Variants in UBE2V1 observed in about 807,000 individuals in gnomAD.
UBE2V1 encodes ubiquitin conjugating enzyme E2 V1, also known as ubiquitin-conjugating enzyme E2 variant 1.
UBE2V1 carries 15 observed loss-of-function variants against 19.6 expected under a neutral mutation model. The ratio of observed to expected loss-of-function variants is 0.77; its 90% CI spans 0.51 to 1.18. The LOEUF (loss-of-function observed/expected upper bound fraction) is 1.18, where lower values mean the gene tolerates loss of function less well. Among genes scored for constraint, UBE2V1 ranks in the 50% most tolerant of loss-of-function variants. The probability of loss-of-function intolerance (pLI) is 0.00; values close to 1 mark genes in which losing one functional copy is unlikely to be tolerated. For missense variants in UBE2V1, 125 were observed against 184.8 expected, an observed-to-expected ratio of 0.68 and a Z score of 1.88; for synonymous variants, 60 against 60.7, an observed-to-expected ratio of 0.99 and a Z score of 0.05.
chr20:50,094,917 A>G (rs944166662), intron 2 of UBE2V1: 1 of 152,220 alleles, frequency 6.6e-6, no homozygotes, highest in African/African-American at 2.4e-5. Flanking sequence ...GACTCCTGGC[A>G]TACCGTAGCT....
chr20:50,094,034 A>AAAAAT (rs1391834608), intron 2 of UBE2V1, among the ~76,000 whole-genome samples: 2 of 85,024 alleles, frequency 2.4e-5, no homozygotes, highest in African/African-American at 1.1e-4. Flanking sequence ...ATAATAATAA[A>AAAAAT]ATATATATAT....
intron 2 of UBE2V1, among the ~76,000 whole-genome samples, chr20:50,092,807 ACATT>A (rs1169263680): frequency 6.6e-6 from 1 of 152,204 alleles, no homozygotes; most frequent in Non-Finnish European, 1.5e-5. Flanking sequence ...TATGACTAAA[ACATT>A]CAAAGAGTAC....
chr20:50,089,703 G>T (rs1568978164), intron 2 of UBE2V1, among the ~76,000 whole-genome samples: 1 of 152,150 alleles, frequency 6.6e-6, no homozygotes, highest in East Asian at 1.9e-4. Context: ...ACCATTCATG[G>T]TATCTTTCTG....
upstream of UBE2V1, chr20:50,115,554 A>G: frequency 6.3e-7 from 1 of 1,580,500 alleles, no homozygotes; most frequent in Non-Finnish European, 8.6e-7. Context: ...TTCAGGTAAG[A>G]CGCTTGAACC....
chr20:50,106,711 T>TC (rs5841791), intron 1 of UBE2V1, among the ~76,000 whole-genome samples: 137,200 of 151,978 alleles, frequency 0.9, 62,150 homozygotes, highest in East Asian at 0.99. Context: ...ATGCCTGTAA[T>TC]CGAGCTACTC....
chr20:50,114,785 G>T (rs181954428), upstream of UBE2V1, among the ~76,000 whole-genome samples: 6 of 151,852 alleles, frequency 4.0e-5, no homozygotes, highest in Non-Finnish European at 8.8e-5. Flanking sequence ...GCACCCTAGG[G>T]CAGGGCATGG....
intron 1 of UBE2V1, among the ~76,000 whole-genome samples, chr20:50,106,866 AACAACAAC>A (rs1601136303): frequency 5.3e-5 from 5 of 94,910 alleles, no homozygotes; most frequent in South Asian, 6.3e-4. Context: ...CAACAACAAC[AACAACAAC>A]AAAAAAAAAA....
chr20:50,103,415 A>G (rs1208167398), intron 1 of UBE2V1, among the ~76,000 whole-genome samples: 2 of 152,168 alleles, frequency 1.3e-5, no homozygotes, highest in Admixed American at 6.5e-5. Context: ...AAGAACAGTT[A>G]TATATTAAGA....
chr20:50,096,494 G>GT, intron 2 of UBE2V1, 178 bp downstream of exon 2: 2 of 1,507,168 alleles, frequency 1.3e-6, no homozygotes, highest in Non-Finnish European at 1.8e-6. Flanking sequence ...ATTTAGAGGG[G>GT]TTAAACAGCA....
In UBE2V1 at chr20:50,113,117, G is replaced by T; in HGVS notation, c.12C>A (p.Thr4=). The T allele has an allele frequency of 1.5e-6, 2 of 1,363,994 alleles. No homozygotes were observed. The allele number at this position is 1,363,994 out of a possible 1,614,324, so 84.5% of individuals were successfully genotyped here. The change falls in exon 1 of 4, where the codon ACC becomes ACA. Residue 4 remains threonine, a synonymous_variant. Coordinates refer to ENST00000371674, the MANE Select transcript of UBE2V1 (RefSeq NM_001032288.3). ...GGCGCCCCCGCTCACCCGAGCCCGT[G>T]GTGGCTGCCATCTTGCGTCGCTCTT... is the stretch of plus-strand genomic sequence containing the variant. The part of the protein sequence containing the change: MAA[T]TGSGVKVPRN...
chr20:50,090,771 T>C (rs1315904882), intron 2 of UBE2V1, among the ~76,000 whole-genome samples: 1 of 152,206 alleles, frequency 6.6e-6, no homozygotes, highest in African/African-American at 2.4e-5. Context: ...TACTTGAAAT[T>C]TGGTAAAAGA....
upstream of UBE2V1, among the ~76,000 whole-genome samples, chr20:50,114,130 ACTC>A (rs536968915): frequency 2.7e-3 from 415 of 152,044 alleles, no homozygotes; most frequent in African/African-American, 7.0e-3. Context: ...CCAAGAAGGT[ACTC>A]CTCCTTTATT....
intron 2 of UBE2V1, among the ~76,000 whole-genome samples, chr20:50,088,710 C>T (rs546312509): frequency 2.0e-5 from 3 of 148,898 alleles, no homozygotes; most frequent in Non-Finnish European, 4.4e-5. Context: ...TACTTGATCC[C>T]AGGAGGTCAA....
chr20:50,087,720 C>T (rs560607758), intron 2 of UBE2V1, among the ~76,000 whole-genome samples: 3 of 152,144 alleles, frequency 2.0e-5, no homozygotes, highest in Non-Finnish European at 4.4e-5. Context: ...TTCAGAGAGA[C>T]GCAAACTTGT....
intron 2 of UBE2V1, among the ~76,000 whole-genome samples, chr20:50,087,241 C>T (rs1310448198): frequency 6.6e-6 from 1 of 151,746 alleles, no homozygotes; most frequent in African/African-American, 2.4e-5. Flanking sequence ...ACTAAAAATA[C>T]AAAAATTAGC....
At chr20:50,113,761 T>C (rs919711361), upstream of UBE2V1, among the ~76,000 whole-genome samples, 3 of 149,520 alleles carry the variant, frequency 2.0e-5, no homozygotes, top group Admixed American at 1.3e-4. Context: ...GCTAACCATC[T>C]ACCCAATTCA....
At chr20:50,093,987 C>CAAAAAAAAAAAAAAAAAAAAAAAAAA (rs60174191) in intron 2 of UBE2V1, among the ~76,000 whole-genome samples, 1 of 56,306 alleles carries the variant, frequency 1.8e-5, no homozygotes, top group Non-Finnish European at 3.3e-5. Flanking sequence ...GACTCCAACT[C>CAAAAAAAAAAAAAAAAAAAAAAAAAA]AAAAAAAAAA....
chr20:50,090,543 G>C (rs1170243346), intron 2 of UBE2V1, among the ~76,000 whole-genome samples: 1 of 151,400 alleles, frequency 6.6e-6, no homozygotes, highest in African/African-American at 2.4e-5. Flanking sequence ...ATTATGCTAA[G>C]TGAAATCAGC....
intron 1 of UBE2V1, among the ~76,000 whole-genome samples, chr20:50,106,879 AAAAAAAAAC>A (rs1569017246): frequency 1.3e-5 from 2 of 150,686 alleles, no homozygotes; most frequent in African/African-American, 4.9e-5. Flanking sequence ...AACAACAAAA[AAAAAAAAAC>A]AAAAAAAAGG....
Sources: allele counts gnomAD v4.1 joint callset (sites outside exome capture counted in the v4.1 genomes callset), GRCh38; gene constraint gnomAD v4.1.1; transcripts MANE v1.5; gene names NCBI Gene and HGNC (gene_info 2026-07-23, HGNC 2026-07-21).